Variants in HS3ST4 observed in about 807,000 individuals in gnomAD.
The protein encoded by HS3ST4 is heparan sulfate glucosamine 3-O-sulfotransferase 4.
A neutral mutation model predicts 29.2 loss-of-function variants in HS3ST4; 17 were observed. The ratio of observed to expected loss-of-function variants is 0.58; its 90% CI spans 0.40 to 0.87. HS3ST4 has a LOEUF of 0.87. Ranked by LOEUF, HS3ST4 falls within the 40% of genes least tolerant of loss-of-function variation. The pLI, the probability that HS3ST4 is intolerant of heterozygous loss-of-function variation, is 0.00. For missense variants in HS3ST4, 627 were observed against 634.5 expected (o/e 0.99, Z 0.13); for synonymous variants, 314 against 285.7 (o/e 1.10, Z -1.00).
chr16:26,123,723 A>C (rs1472808000), intron 1 of HS3ST4, among the ~76,000 whole-genome samples: 4 of 152,130 alleles, frequency 2.6e-5, no homozygotes, highest in Non-Finnish European at 5.9e-5. Flanking sequence ...ATGGCTTTGC[A>C]CCTTCATAGC....
chr16:25,740,055 C>T (rs754855854), intron 1 of HS3ST4, among the ~76,000 whole-genome samples: 1 of 151,806 alleles, frequency 6.6e-6, no homozygotes, highest in Non-Finnish European at 1.5e-5. Context: ...AGGATTCTGA[C>T]TTGGTATGCC....
chr16:26,000,351 C>T (rs755000092), intron 1 of HS3ST4, among the ~76,000 whole-genome samples: 2 of 152,062 alleles, frequency 1.3e-5, no homozygotes, highest in African/African-American at 2.4e-5. Context: ...ACAAAATGCC[C>T]TTCCTCCACA....
chr16:25,901,205 T>G (rs1244073341), intron 1 of HS3ST4, among the ~76,000 whole-genome samples: 1 of 152,194 alleles, frequency 6.6e-6, no homozygotes, highest in Non-Finnish European at 1.5e-5. Context: ...TTTCTCTGTT[T>G]CTGCCCTAAG....
chr16:26,130,153 G>A lies in HS3ST4; in HGVS notation c.735-5459G>A, dbSNP rs147241462. Among the ~76,000 whole-genome samples, 417 of 152,338 alleles carry A rather than the reference G, an allele frequency of 2.7e-3. 3 individuals carry two copies. Among genetic ancestry groups the A allele is most frequent in the Non-Finnish European group, 5.1e-3 (347 of 68,038 alleles). ...CATTTGGGGCTGTGAGAGCAGATGT[G>A]TGATCTTGCGGAATGATTCTCGCTT... On this transcript the variant is annotated intron_variant, in intron 1 of 1. Transcript: ENST00000331351.
intron 1 of HS3ST4, among the ~76,000 whole-genome samples, chr16:25,873,378 T>TCATC (rs371356328): frequency 0.17 from 16,006 of 96,490 alleles, 1,191 homozygotes; most frequent in East Asian, 0.37. Context: ...AGCCATCCAG[T>TCATC]CATCCATCCA....
At chr16:26,027,264 AG>A (rs1186975809) in intron 1 of HS3ST4, among the ~76,000 whole-genome samples, 1 of 152,202 alleles carries the variant, frequency 6.6e-6, no homozygotes, top group Non-Finnish European at 1.5e-5. Context: ...ATTGGCCAGT[AG>A]CCATCAGGAA....
intron 1 of HS3ST4, among the ~76,000 whole-genome samples, chr16:26,002,419 G>A (rs560244313): frequency 9.9e-5 from 15 of 152,230 alleles, no homozygotes; most frequent in Non-Finnish European, 1.8e-4. Context: ...CAAGTGGGGC[G>A]TAGTTGGACC....
At chr16:25,858,104 C>A (rs1567257336) in intron 1 of HS3ST4, among the ~76,000 whole-genome samples, 1 of 145,628 alleles carries the variant, frequency 6.9e-6, no homozygotes, top group South Asian at 2.2e-4. Flanking sequence ...CTGTTTCATT[C>A]CTTCTTTCTT....
At chr16:26,107,784 C>T (rs1268560931) in intron 1 of HS3ST4, among the ~76,000 whole-genome samples, 1 of 152,106 alleles carries the variant, frequency 6.6e-6, no homozygotes, top group Non-Finnish European at 1.5e-5. Context: ...TCTTTATTCA[C>T]TCATCGGTTG....
At chr16:26,068,744 A>G (rs961862760) in intron 1 of HS3ST4, among the ~76,000 whole-genome samples, 7 of 152,032 alleles carry the variant, frequency 4.6e-5, no homozygotes, top group African/African-American at 7.2e-5. Flanking sequence ...ACTGTATCTA[A>G]CATACGAGAT....
At chr16:25,828,303 T>TCTTTCC (rs1967253971) in intron 1 of HS3ST4, among the ~76,000 whole-genome samples, 1 of 64,772 alleles carries the variant, frequency 1.5e-5, no homozygotes, top group Admixed American at 1.9e-4. Flanking sequence ...TTTCTTTCCC[T>TCTTTCC]CTCTCTCTCT....
At chr16:26,007,439 C>T (rs1320355800) in intron 1 of HS3ST4, among the ~76,000 whole-genome samples, 1 of 152,094 alleles carries the variant, frequency 6.6e-6, no homozygotes, top group Non-Finnish European at 1.5e-5. Context: ...TTGTAACAGC[C>T]CTGTGCCTCA....
intron 1 of HS3ST4, among the ~76,000 whole-genome samples, chr16:26,046,181 C>T (rs113005828): frequency 5.1e-4 from 68 of 134,308 alleles, no homozygotes; most frequent in African/African-American, 1.7e-3. Flanking sequence ...GACAGAGTAT[C>T]GCTCTATCGC....
chr16:25,692,663 C>G lies in HS3ST4; in HGVS notation c.246C>G (p.Pro82=). ...AAEPPPSPPP[P]SLLPTPVRLG... ...AGCCCCCGCCGAGCCCGCCGCCACC[C>G]TCTCTGCTGCCTACCCCCGTGCGCC... is the stretch of plus-strand genomic sequence containing the variant. Residue 82 remains proline, a synonymous_variant, in exon 1 of 2, where the codon CCC becomes CCG. Coordinates refer to ENST00000331351, the MANE Select transcript of HS3ST4 (RefSeq NM_006040.3). 3.7e-6 allele frequency: 5 copies of G among 1,339,058 alleles called. No individual in the cohort carries two copies. Among genetic ancestry groups the G allele is most frequent in the Non-Finnish European group, 4.8e-6 (5 of 1,037,728 alleles). The allele number at this position is 1,339,058 out of a possible 1,614,324, so 82.9% of individuals were successfully genotyped here.
chr16:25,724,975 T>A (rs1021101065), intron 1 of HS3ST4, among the ~76,000 whole-genome samples: 1 of 151,942 alleles, frequency 6.6e-6, no homozygotes. Context: ...AGATTAGGTA[T>A]TTTTTGTGCT....
intron 1 of HS3ST4, among the ~76,000 whole-genome samples, chr16:25,806,691 C>T (rs1158862710): frequency 6.6e-6 from 1 of 152,108 alleles, no homozygotes; most frequent in Non-Finnish European, 1.5e-5. Context: ...ATACATTCCT[C>T]ATGCAGTTTT....
chr16:26,059,814 G>A (rs559636758), intron 1 of HS3ST4, among the ~76,000 whole-genome samples: 6 of 151,968 alleles, frequency 3.9e-5, no homozygotes, highest in African/African-American at 9.7e-5. Context: ...GTCTTGCTCC[G>A]TCGCCCAGGC....
In HS3ST4 at chr16:25,946,994, G is replaced by A. The variant is rs546881921; in HGVS notation, c.735-188618G>A. On this transcript the variant is annotated intron_variant, in intron 1 of 1. Coordinates refer to ENST00000331351, the MANE Select transcript of HS3ST4 (RefSeq NM_006040.3). ...GAGCTGAGCAGGGTCCAGACAGAAG[G>A]GCCTTGGATTATGTGAAGGGTTTGG... Among the ~76,000 whole-genome samples the A allele has an allele frequency of 3.9e-5, 6 of 152,212 alleles. No homozygotes were observed. The South Asian group carries it at 1.0e-3, about 26-fold the overall frequency.
intron 1 of HS3ST4, among the ~76,000 whole-genome samples, chr16:25,739,535 C>T (rs575364014): frequency 2.0e-5 from 3 of 151,088 alleles, no homozygotes; most frequent in Admixed American, 6.6e-5. Context: ...ACAAAAAACT[C>T]GAAAGACTCA....
Sources: allele counts gnomAD v4.1 joint callset (sites outside exome capture counted in the v4.1 genomes callset), GRCh38; gene constraint gnomAD v4.1.1; transcripts MANE v1.5; gene names NCBI Gene and HGNC (gene_info 2026-07-23, HGNC 2026-07-21).